The following CYB5R3 variants were observed in gnomAD, a reference collection of about 807,000 sequenced individuals.
CYB5R3 encodes the protein cytochrome b5 reductase 3.
In CYB5R3, 28 loss-of-function variants were observed where a neutral mutation model predicts 36.5. That is an observed-to-expected ratio of 0.77 (90% CI 0.57 to 1.05). The LOEUF is 1.05. CYB5R3 is among the 50% of genes least tolerant of loss of function. CYB5R3 has a pLI of 0.00. For missense variants in CYB5R3, 474 were observed against 408.9 expected, an observed-to-expected ratio of 1.16 and a Z score of -1.37; for synonymous variants, 181 against 159.8, an observed-to-expected ratio of 1.13 and a Z score of -1.00.
rs534627837 is a variant in CYB5R3 at position 42,619,289 on chromosome 22, C to A, written c.*484G>T. The A allele has an allele frequency of 4.1e-5, 7 of 171,474 alleles. No homozygotes were observed. In the East Asian group the frequency reaches 1.1e-3, roughly 27 times the overall value. The allele number at this position is 171,474 out of a possible 1,614,324, so 10.6% of individuals were successfully genotyped here. A position where few individuals can be genotyped will look rare whatever the true frequency, so the allele number is the denominator to read the frequency against. On this transcript the variant is annotated 3_prime_UTR_variant, in exon 9 of 9. Coordinates refer to ENST00000352397, the MANE Select transcript of CYB5R3 (RefSeq NM_000398.7). ...CAAGAGGGCTTTCTGGTGTCAATGT[C>A]TCATGCAGCGTCAGGTGGTGAGGCC...
At chr22:42,620,250 G>A (rs960036982) in intron 8 of CYB5R3, among the ~76,000 whole-genome samples, 4 of 152,162 alleles carry the variant, frequency 2.6e-5, no homozygotes, top group Non-Finnish European at 5.9e-5. Context: ...GGACAGGGCG[G>A]GGAATATGAA....
intron 1 of CYB5R3, among the ~76,000 whole-genome samples, chr22:42,643,056 C>A (rs1233644804): frequency 2.0e-5 from 3 of 152,170 alleles, no homozygotes; most frequent in Non-Finnish European, 2.9e-5. Context: ...GGTAGTATAT[C>A]CTGCAGAACA....
At chr22:42,636,651 GCA>G in intron 2 of CYB5R3, 62 bp downstream of exon 2, 1 of 1,591,330 alleles carries the variant, frequency 6.3e-7, no homozygotes, top group Non-Finnish European at 8.5e-7. Flanking sequence ...CATGCCCTGA[GCA>G]CAGAGTAGGT....
At chr22:42,645,110 C>T (rs1212968403) in intron 1 of CYB5R3, among the ~76,000 whole-genome samples, 3 of 152,116 alleles carry the variant, frequency 2.0e-5, no homozygotes, top group Non-Finnish European at 4.4e-5. Context: ...AAAAGACACC[C>T]GCGTATTAGT....
chr22:42,628,971 C>T (rs751287788), intron 4 of CYB5R3, among the ~76,000 whole-genome samples: 1 of 152,032 alleles, frequency 6.6e-6, no homozygotes, highest in African/African-American at 2.4e-5. Context: ...TGGAGGGCCA[C>T]GGACAGGCAG....
chr22:42,636,844 C>T lies in CYB5R3; in HGVS notation c.24G>A (p.Leu8=), dbSNP rs533502288. The T allele has an allele frequency of 2.5e-6, 4 of 1,613,328 alleles. No homozygotes were observed. The African/African-American group carries it at 5.3e-5, about 21-fold the overall frequency. The part of the protein sequence containing the change: MGAQLST[L]GHMVLFPVWF... ...AGACTGGGAAGAGCACCATATGGCCCAACTGAAACGACAGGACCCGCGGGG... is the reference window on the plus strand; with the variant it reads ...AGACTGGGAAGAGCACCATATGGCCTAACTGAAACGACAGGACCCGCGGGG... Residue 8 remains leucine, a splice_region_variant and synonymous_variant, in exon 2 of 9, where the codon TTG becomes TTA. Coordinates refer to ENST00000352397, the MANE Select transcript of CYB5R3 (RefSeq NM_000398.7).
chr22:42,646,936 G>A (rs931550770), intron 1 of CYB5R3: 4 of 985,404 alleles, frequency 4.1e-6, no homozygotes, highest in African/African-American at 1.7e-5. Flanking sequence ...TGGGAGGCAG[G>A]GGAACCACAG....
At chr22:42,646,358 C>T (rs1376390807) in intron 1 of CYB5R3, among the ~76,000 whole-genome samples, 1 of 152,162 alleles carries the variant, frequency 6.6e-6, no homozygotes, top group Non-Finnish European at 1.5e-5. Flanking sequence ...CCTCTAATAA[C>T]ACAGAGGGGA....
chr22:42,649,328 CCG>C lies in CYB5R3; in HGVS notation c.-15_-14del. On this transcript the variant is annotated 5_prime_UTR_variant, in exon 1 of 9. Coordinates refer to ENST00000352397, the MANE Select transcript of CYB5R3 (RefSeq NM_000398.7). ...GCTGGGCCCCCATGGTGGCCCCGCG[CCG>C]CGCTCGCTCTGTCGCCGCCGCCGCC... 1 of 1,014,884 alleles carries C rather than the reference CCG, an allele frequency of 9.9e-7. No homozygotes were observed. The highest frequency in any genetic ancestry group is 3.7e-5 in the South Asian group (1 of 27,254). 62.9% of individuals were successfully genotyped at this position (1,014,884 alleles called of 1,614,324 possible). A position where few individuals can be genotyped will look rare whatever the true frequency, so the allele number is the denominator to read the frequency against.
intron 1 of CYB5R3, among the ~76,000 whole-genome samples, chr22:42,642,487 G>A (rs1361826841): frequency 6.6e-6 from 1 of 151,816 alleles, no homozygotes; most frequent in East Asian, 1.9e-4. Context: ...TGCCCAGGCT[G>A]GAGTGCAGTG....
In CYB5R3 at chr22:42,618,867, A is replaced by C. The variant is rs1033275169; in HGVS notation, c.*906T>G. The C allele has an allele frequency of 6.6e-6, 1 of 152,182 alleles. No homozygotes were observed. The highest frequency in any genetic ancestry group is 2.4e-5 in the African/African-American group (1 of 41,418). The allele number at this position is 152,182 out of a possible 1,614,324, so 9.4% of individuals were successfully genotyped here. On this transcript the variant is annotated 3_prime_UTR_variant, in exon 9 of 9. Coordinates refer to ENST00000352397, the MANE Select transcript of CYB5R3 (RefSeq NM_000398.7). ...TTTCTGCTCATAAATGACTCTGAAA[A>C]AGCCAATACGCAAGAGGCTAACACA... is the stretch of plus-strand genomic sequence containing the variant.
intron 2 of CYB5R3, chr22:42,631,970 G>A (rs1015228885): frequency 6.3e-6 from 1 of 159,820 alleles, no homozygotes; most frequent in African/African-American, 2.4e-5. Context: ...AGGGCAGAAA[G>A]TGGGAGCCTT....
intron 8 of CYB5R3, 134 bp from the exon 9 acceptor site, chr22:42,620,079 C>A (rs1406899152): frequency 4.6e-6 from 4 of 863,716 alleles, no homozygotes; most frequent in Non-Finnish European, 7.5e-6. Context: ...GTCACCAGGA[C>A]CCCCTGCCCC....
At chr22:42,637,036 C>T (rs1004284826) in intron 1 of CYB5R3, 190 bp from the exon 2 acceptor site, 11 of 706,452 alleles carry the variant, frequency 1.6e-5, no homozygotes, top group African/African-American at 1.1e-4. Context: ...AGACCAGCCT[C>T]ATGACACCTG....
At position 42,646,658 on chromosome 22, in the gene CYB5R3, G is replaced by A. The variant is rs907682341; in HGVS notation, c.21+2637C>T. 1.2e-5 allele frequency: 12 copies of A among 985,610 alleles called. No individual in the cohort carries two copies. The South Asian group carries it at 1.4e-4, about 12-fold the overall frequency. The allele number at this position is 985,610 out of a possible 1,614,324, so 61.1% of individuals were successfully genotyped here. ...TTGCTTACCTGTCCCCTGCCTGCCC[G>A]CCAGCGGTCCTGCCAGAATCTGAGC... On this transcript the variant is annotated intron_variant, in intron 1 of 8. Coordinates refer to ENST00000352397, the MANE Select transcript of CYB5R3 (RefSeq NM_000398.7).
intron 8 of CYB5R3, among the ~76,000 whole-genome samples, chr22:42,621,182 T>TTTTGTGTGTGTG (rs1219788150): frequency 1.9e-5 from 2 of 104,972 alleles, no homozygotes; most frequent in African/African-American, 9.0e-5. Context: ...GATTTCTTTT[T>TTTTGTGTGTGTG]AGTGTGTGTG....
chr22:42,648,784 C>T (rs1929639576), intron 1 of CYB5R3, among the ~76,000 whole-genome samples: 1 of 151,960 alleles, frequency 6.6e-6, no homozygotes, highest in Admixed American at 6.6e-5. Flanking sequence ...AGTGACATCG[C>T]ACACACACAC....
At chr22:42,638,808 G>A (rs1318266591) in intron 1 of CYB5R3, among the ~76,000 whole-genome samples, 1 of 149,722 alleles carries the variant, frequency 6.7e-6, no homozygotes, top group Non-Finnish European at 1.5e-5. Flanking sequence ...TGAGGCGGGG[G>A]GATCATCTGA....
At chr22:42,646,024 G>T (rs904921825) in intron 1 of CYB5R3, among the ~76,000 whole-genome samples, 2 of 152,184 alleles carry the variant, frequency 1.3e-5, no homozygotes, top group Non-Finnish European at 2.9e-5. Flanking sequence ...AAAGCCAGAG[G>T]CCCTGCCAGA....
Sources: allele counts gnomAD v4.1 joint callset (sites outside exome capture counted in the v4.1 genomes callset), GRCh38; gene constraint gnomAD v4.1.1; transcripts MANE v1.5; gene names NCBI Gene and HGNC (gene_info 2026-07-23, HGNC 2026-07-21).